The following FREM1 variants were observed in gnomAD, a reference collection of about 807,000 sequenced individuals.
The protein encoded by FREM1 is FRAS1 related extracellular matrix 1, also known as FRAS1-related extracellular matrix protein 1.
A neutral mutation model predicts 210.1 loss-of-function variants in FREM1; 220 were observed. That is an observed-to-expected ratio of 1.05 (90% CI 0.94 to 1.17). The LOEUF (loss-of-function observed/expected upper bound fraction) is 1.17. FREM1 is among the 50% of genes most tolerant of loss of function. The pLI is 0.00. For synonymous variants in FREM1, 1,189 were observed against 980.2 expected (o/e 1.21, Z -3.98); for missense variants, 3,454 against 2,675.5 (o/e 1.29, Z -6.42).
At chr9:14,740,263 G>C (rs1048063889) in intron 35 of FREM1, 29 bp from the exon 36 acceptor site, 1 of 1,484,086 alleles carries the variant, frequency 6.7e-7, no homozygotes, top group Non-Finnish European at 9.4e-7. Flanking sequence ...GAGAGTATCA[G>C]CAACAAGCAG....
At chr9:14,838,253 G>T (rs1295788499) in intron 10 of FREM1, among the ~76,000 whole-genome samples, 1 of 152,072 alleles carries the variant, frequency 6.6e-6, no homozygotes, top group African/African-American at 2.4e-5. Flanking sequence ...CAAAACCATG[G>T]AATATTCTGA....
chr9:14,801,383 C>A (rs1817259716), intron 20 of FREM1, among the ~76,000 whole-genome samples: 1 of 152,166 alleles, frequency 6.6e-6, no homozygotes, highest in East Asian at 1.9e-4. Flanking sequence ...CTCTTAAAAT[C>A]TACTGTCTTA....
intron 1 of FREM1, among the ~76,000 whole-genome samples, chr9:14,884,252 A>G (rs935633053): frequency 6.6e-6 from 1 of 152,148 alleles, no homozygotes; most frequent in African/African-American, 2.4e-5. Context: ...GAAAAAAAGA[A>G]AAAAAACAAG....
chr9:14,830,658 T>C (rs901454383), intron 10 of FREM1, among the ~76,000 whole-genome samples: 3 of 152,200 alleles, frequency 2.0e-5, no homozygotes, highest in Non-Finnish European at 4.4e-5. Flanking sequence ...TCTGTTTCTG[T>C]ATGGGGGAGC....
intron 35 of FREM1, among the ~76,000 whole-genome samples, chr9:14,745,224 T>C (rs1174981538): frequency 6.6e-6 from 1 of 152,212 alleles, no homozygotes; most frequent in Non-Finnish European, 1.5e-5. Flanking sequence ...ACATACCATT[T>C]ACCCAGGTAA....
chr9:14,749,999 G>A, intron 30 of FREM1, 128 bp downstream of exon 30: 2 of 944,854 alleles, frequency 2.1e-6, no homozygotes, highest in South Asian at 3.0e-5. Flanking sequence ...CATCACGACT[G>A]AGGGTGCTTT....
chr9:14,754,864 G>A (rs1484389327), intron 29 of FREM1, among the ~76,000 whole-genome samples: 2 of 152,164 alleles, frequency 1.3e-5, no homozygotes, highest in African/African-American at 2.4e-5. Context: ...AACCCAGGAG[G>A]CAGAGGTTGC....
At chr9:14,904,114 C>CA (rs35708320) in intron 1 of FREM1, among the ~76,000 whole-genome samples, 794 of 71,504 alleles carry the variant, frequency 0.011, 12 homozygotes, top group African/African-American at 0.03. Context: ...GACTCCGTCT[C>CA]AAAAAAAAAA....
At chr9:14,905,058 A>C (rs185692696) in intron 1 of FREM1, among the ~76,000 whole-genome samples, 48 of 152,226 alleles carry the variant, frequency 3.2e-4, no homozygotes, top group African/African-American at 1.1e-3. Flanking sequence ...CACATGTTGC[A>C]TATCTATAAG....
chr9:14,783,574 G>C (rs115370222), intron 24 of FREM1, among the ~76,000 whole-genome samples: 1 of 152,144 alleles, frequency 6.6e-6, no homozygotes, highest in Admixed American at 6.5e-5. Context: ...GCCCGGCCTG[G>C]GGATCTGTGT....
At chr9:14,778,609 A>G (rs1482024183) in intron 24 of FREM1, among the ~76,000 whole-genome samples, 4 of 103,594 alleles carry the variant, frequency 3.9e-5, no homozygotes, top group South Asian at 3.3e-4. Flanking sequence ...ACCTGTCTCA[A>G]AAAAAAAAAA....
intron 10 of FREM1, among the ~76,000 whole-genome samples, chr9:14,837,470 C>T: frequency 6.6e-6 from 1 of 150,800 alleles, no homozygotes; most frequent in Non-Finnish European, 1.5e-5. Flanking sequence ...TACACATACA[C>T]ACACACACAC....
chr9:14,793,770 G>A (rs1442008598), intron 21 of FREM1, among the ~76,000 whole-genome samples: 2 of 152,148 alleles, frequency 1.3e-5, no homozygotes, highest in Non-Finnish European at 2.9e-5. Flanking sequence ...CCAGCAACTG[G>A]CATCAACAGT....
intron 27 of FREM1, among the ~76,000 whole-genome samples, chr9:14,763,640 C>T (rs1034762791): frequency 6.6e-6 from 1 of 152,142 alleles, no homozygotes; most frequent in African/African-American, 2.4e-5. Flanking sequence ...TGTCACTCAC[C>T]AGCTCTAAGC....
chr9:14,879,045 T>C (rs1834301812), intron 1 of FREM1, among the ~76,000 whole-genome samples: 1 of 150,992 alleles, frequency 6.6e-6, no homozygotes. Context: ...TAATCTGAGC[T>C]ACTTAGGAGG....
Position 14,861,044 on chromosome 9 carries a change from T to C in FREM1, c.330-1560A>G, listed in dbSNP as rs796669547. Among the ~76,000 whole-genome samples the C allele has an allele frequency of 2.9e-3, 191 of 66,424 alleles. 16 individuals are homozygous for C. Among genetic ancestry groups the C allele is most frequent in the African/African-American group, 0.014 (167 of 11,520 alleles). 43.6% of individuals were successfully genotyped at this position (66,424 alleles called of 152,430 possible). A position where few individuals can be genotyped will look rare whatever the true frequency, so the allele number is the denominator to read the frequency against. On this transcript the variant is annotated intron_variant, in intron 3 of 36. Coordinates refer to ENST00000380880, the MANE Select transcript of FREM1 (RefSeq NM_001379081.2). Reference sequence around the variant, plus strand: ...ACACATATATACATATATACATATATACATATATACATATATACACATATA... The same window carrying C: ...ACACATATATACATATATACATATACACATATATACATATATACACATATA...
chr9:14,760,517 G>T (rs1845297918), intron 27 of FREM1, among the ~76,000 whole-genome samples: 1 of 152,162 alleles, frequency 6.6e-6, no homozygotes, highest in African/African-American at 2.4e-5. Context: ...AAATAAACCT[G>T]AGAAATAGAG....
At chr9:14,809,257 C>T (rs923347806) in intron 16 of FREM1, among the ~76,000 whole-genome samples, 5 of 152,194 alleles carry the variant, frequency 3.3e-5, no homozygotes, top group Non-Finnish European at 7.3e-5. Flanking sequence ...CCACATGGAA[C>T]TGTAAGTCCA....
At chr9:14,743,714 C>G (rs933568733) in intron 35 of FREM1, among the ~76,000 whole-genome samples, 18 of 152,042 alleles carry the variant, frequency 1.2e-4, no homozygotes, top group East Asian at 7.7e-4. Flanking sequence ...ATCAACAAAT[C>G]CCAGCAATCA....
Sources: allele counts gnomAD v4.1 joint callset (sites outside exome capture counted in the v4.1 genomes callset), GRCh38; gene constraint gnomAD v4.1.1; transcripts MANE v1.5; gene names NCBI Gene and HGNC (gene_info 2026-07-23, HGNC 2026-07-21).